The following FAM83A variants were observed in gnomAD, a reference collection of about 807,000 sequenced individuals.
FAM83A encodes the protein scaffolding CK1 anchoring protein A.
FAM83A carries 21 observed loss-of-function variants against 24.4 expected under a neutral mutation model. The ratio of observed to expected loss-of-function variants is 0.86; its 90% CI spans 0.61 to 1.24. The LOEUF (loss-of-function observed/expected upper bound fraction) is 1.24. Among genes scored for constraint, FAM83A ranks in the 50% most tolerant of loss-of-function variants. FAM83A has a pLI of 0.00. For missense variants in FAM83A, 617 were observed against 579.8 expected (o/e 1.06, Z -0.66); for synonymous variants, 270 against 252.4 (o/e 1.07, Z -0.66).
chr8:123,192,080 A>T, intron 2 of FAM83A, 110 bp downstream of exon 2: 4 of 1,294,704 alleles, frequency 3.1e-6, no homozygotes, highest in Non-Finnish European at 4.3e-6. Flanking sequence ...AACACAATAA[A>T]GGTTCATTTC....
exon 4 of FAM83A, chr8:123,207,494 C>A: frequency 6.3e-7 from 1 of 1,582,492 alleles, no homozygotes. Context: ...CCGGTTCCAG[C>A]CCCACCAAGG....
exon 2 of FAM83A, chr8:123,191,901 G>A (rs1406523299): frequency 6.2e-7 from 1 of 1,614,172 alleles, no homozygotes; most frequent in Non-Finnish European, 8.5e-7. Flanking sequence ...GTGTGCTCCT[G>A]GACCAGGGAG....
chr8:123,204,920 T>C, intron 3 of FAM83A, among the ~76,000 whole-genome samples: 1 of 152,054 alleles, frequency 6.6e-6, no homozygotes, highest in East Asian at 1.9e-4. Context: ...AAGACCAGGC[T>C]GGCCAAGATG....
At chr8:123,184,430 G>C (rs927585556) in intron 1 of FAM83A, among the ~76,000 whole-genome samples, 1 of 152,154 alleles carries the variant, frequency 6.6e-6, no homozygotes, top group African/African-American at 2.4e-5. Flanking sequence ...CCAGGCAGAA[G>C]ATGGAGTAGG....
chr8:123,184,312 T>G (rs924263757), intron 1 of FAM83A, among the ~76,000 whole-genome samples: 2 of 151,992 alleles, frequency 1.3e-5, no homozygotes, highest in African/African-American at 4.8e-5. Flanking sequence ...CGCTTCCAAA[T>G]GTAACGGGGC....
At chr8:123,183,764 C>T (rs1193719332) in intron 1 of FAM83A, among the ~76,000 whole-genome samples, 2 of 148,328 alleles carry the variant, frequency 1.3e-5, no homozygotes, top group African/African-American at 5.0e-5. Context: ...GGCACTATCT[C>T]GGGTCACTGC....
intron 3 of FAM83A, among the ~76,000 whole-genome samples, chr8:123,199,339 C>T (rs568022264): frequency 6.6e-5 from 10 of 152,204 alleles, no homozygotes; most frequent in African/African-American, 2.2e-4. Context: ...CCAGGCAGGC[C>T]GTGATTATTA....
intron 1 of FAM83A, among the ~76,000 whole-genome samples, chr8:123,190,427 A>T (rs981065722): frequency 6.5e-5 from 9 of 137,446 alleles, no homozygotes; most frequent in Non-Finnish European, 1.3e-4. Context: ...AGTCCAGCTA[A>T]TTTTTTTTTT....
upstream of FAM83A, among the ~76,000 whole-genome samples, chr8:123,181,432 C>A (rs1823597159): frequency 6.6e-6 from 1 of 152,150 alleles, no homozygotes; most frequent in East Asian, 1.9e-4. Context: ...GGTGTCGTCC[C>A]TGAGCAGATA....
At chr8:123,187,872 T>C (rs570650466) in intron 1 of FAM83A, among the ~76,000 whole-genome samples, 17 of 152,046 alleles carry the variant, frequency 1.1e-4, no homozygotes, top group South Asian at 2.1e-4. Context: ...TTATTTTTTA[T>C]TTTTCTGAGA....
At chr8:123,192,066 G>A (rs1824002432) in intron 2 of FAM83A, 96 bp downstream of exon 2, 1 of 1,363,384 alleles carries the variant, frequency 7.3e-7, no homozygotes, top group Admixed American at 2.0e-5. Context: ...TGTGTTAATA[G>A]CTTAACACAA....
chr8:123,198,362 C>G (rs1038856198), intron 3 of FAM83A, among the ~76,000 whole-genome samples: 1 of 152,094 alleles, frequency 6.6e-6, no homozygotes, highest in African/African-American at 2.4e-5. Context: ...GGCCTGGGAA[C>G]ACAGGCATTT....
At position 123,209,709 on chromosome 8, in the gene FAM83A, C is replaced by T. The variant is rs989785580; in HGVS notation, c.*2021C>T. The T allele has an allele frequency of 2.0e-5, 15 of 749,072 alleles. No homozygotes were observed. The Middle Eastern group carries it at 1.1e-3, about 54-fold the overall frequency. The allele number at this position is 749,072 out of a possible 1,614,324, so 46.4% of individuals were successfully genotyped here. On this transcript the variant is annotated 3_prime_UTR_variant, in exon 4 of 4. Coordinates refer to ENST00000690554, the Ensembl canonical transcript of FAM83A. This position sits in a 1 kb window ranked among gnomAD's most constrained non-coding sequence, Gnocchi z 4.7. Reference sequence around the variant, plus strand: ...TCAGTCCTGGGAGATAGGGGAGAACCTGCAGGCAGGAACAAGCCCCCCTAC... The same window carrying T: ...TCAGTCCTGGGAGATAGGGGAGAACTTGCAGGCAGGAACAAGCCCCCCTAC...
upstream of FAM83A, chr8:123,180,861 T>C (rs766786680): frequency 1.3e-5 from 2 of 151,710 alleles, no homozygotes. Flanking sequence ...AGAGGATTGC[T>C]CAAGATTGTG....
At chr8:123,187,501 G>C (rs1454692350) in intron 1 of FAM83A, among the ~76,000 whole-genome samples, 1 of 152,092 alleles carries the variant, frequency 6.6e-6, no homozygotes, top group African/African-American at 2.4e-5. Context: ...CCACATTTTT[G>C]TTATTGTTTT....
intron 3 of FAM83A, among the ~76,000 whole-genome samples, chr8:123,199,328 A>G (rs1360893090): frequency 6.6e-6 from 1 of 152,228 alleles, no homozygotes; most frequent in Non-Finnish European, 1.5e-5. Flanking sequence ...CGTGAGTTTT[A>G]CCAGGCAGGC....
chr8:123,179,363 A>G (rs1353377799), upstream of FAM83A: 1 of 152,172 alleles, frequency 6.6e-6, no homozygotes, highest in African/African-American at 2.4e-5. Context: ...TTCTTCTGCC[A>G]TACAGTATGG....
chr8:123,191,850 T>C, exon 2 of FAM83A: 1 of 1,614,018 alleles, frequency 6.2e-7, no homozygotes, highest in Non-Finnish European at 8.5e-7. Context: ...AGATCTTCTG[T>C]GACATTCTAG....
upstream of FAM83A, chr8:123,180,138 C>T (rs1458078570): frequency 6.6e-6 from 1 of 152,172 alleles, no homozygotes; most frequent in Non-Finnish European, 1.5e-5. Flanking sequence ...TCAGTACAGA[C>T]AGCCAGCATG....
Sources: gnomAD v4.1 joint callset for allele counts (sites outside exome capture counted in the v4.1 genomes callset) on GRCh38, gnomAD v4.1.1 for gene constraint, Gnocchi (gnomAD v3.1) non-coding constraint, MANE v1.5 for transcripts, NCBI Gene and HGNC (gene_info 2026-07-23, HGNC 2026-07-21) for gene names.